Variants in PYGM observed in about 807,000 individuals in gnomAD.
The protein encoded by PYGM is glycogen phosphorylase, muscle associated, also known as glycogen phosphorylase, muscle form.
Under a neutral mutation model 99.3 loss-of-function variants are expected in PYGM, and 81 were observed. That is an observed-to-expected ratio of 0.82 (90% CI 0.68 to 0.98). PYGM has a LOEUF of 0.98. PYGM is among the 50% of genes least tolerant of loss of function. PYGM has a pLI of 0.00. For synonymous variants in PYGM, 436 were observed against 451.5 expected, an observed-to-expected ratio of 0.97 and a Z score of 0.44; for missense variants, 1,030 against 1,158.1, an observed-to-expected ratio of 0.89 and a Z score of 1.61.
intron 13 of PYGM, 138 bp downstream of exon 13, chr11:64,752,265 C>T: frequency 7.7e-7 from 1 of 1,306,256 alleles, no homozygotes; most frequent in Non-Finnish European, 1.1e-6. Context: ...GCCTTCCCAC[C>T]ACAGACTCCA....
chr11:64,753,218 C>G (rs776671009), intron 11 of PYGM, 31 bp from the exon 12 acceptor site: 1 of 1,558,002 alleles, frequency 6.4e-7, no homozygotes, highest in Non-Finnish European at 8.9e-7. Context: ...AGGGTCACCA[C>G]TCACCCCTGT....
In PYGM at chr11:64,750,278, G is replaced by T. The variant is rs958199070; in HGVS notation, c.2177+98C>A. The T allele has an allele frequency of 3.7e-6, 5 of 1,356,970 alleles. No individual in the cohort carries two copies. In the African/African-American group the frequency reaches 4.3e-5, roughly 12 times the overall value. 84.1% of individuals were successfully genotyped at this position (1,356,970 alleles called of 1,614,324 possible). A position where few individuals can be genotyped will look rare whatever the true frequency, so the allele number is the denominator to read the frequency against. ...CTGGCCATGACCAAGACCTTGCTGGGCCTGGACCAGTCTTTCCAGACGTGC... is the reference window on the plus strand; with the variant it reads ...CTGGCCATGACCAAGACCTTGCTGGTCCTGGACCAGTCTTTCCAGACGTGC... On this transcript the variant is annotated intron_variant, in intron 17 of 19. Coordinates refer to ENST00000164139, the MANE Select transcript of PYGM (RefSeq NM_005609.4).
chr11:64,758,855 G>A (rs1182620771), intron 1 of PYGM, 151 bp from the exon 2 acceptor site: 1 of 736,340 alleles, frequency 1.4e-6, no homozygotes, highest in Non-Finnish European at 2.4e-6. Flanking sequence ...TCAGGCTTTG[G>A]GGCCCAGCGG....
At position 64,752,355 on chromosome 11, in the gene PYGM, C is replaced by G. The variant is rs752968251; in HGVS notation, c.1620+48G>C. ...GCCTGACCCAGACATCTGGCCCCTC[C>G]AGCGCTCTCCACACAGCACAGCTGT... On this transcript the variant is annotated intron_variant, in intron 13 of 19. Transcript: ENST00000164139. The G allele has an allele frequency of 3.8e-6, 6 of 1,589,380 alleles. No homozygotes were observed. The East Asian group carries it at 1.3e-4, about 36-fold the overall frequency.
chr11:64,760,027 C>A, upstream of PYGM: 6 of 1,394,876 alleles, frequency 4.3e-6, no homozygotes, highest in Non-Finnish European at 5.8e-6. Context: ...CAGCACGCCC[C>A]GCCTCCCCTG....
In PYGM at chr11:64,759,797, CCGG is replaced by C; in HGVS notation, c.99_101del (p.Asn33_Arg34delinsLys). 6.2e-7 allele frequency: 1 copy of C among 1,614,182 alleles called. No homozygotes were observed. Among genetic ancestry groups the C allele is most frequent in the Non-Finnish European group, 8.5e-7 (1 of 1,180,040 alleles). On this transcript the variant is annotated inframe_deletion, in exon 1 of 20. Transcript: ENST00000164139. ...CCTTTACGAGTGTGAAATGCAGGTG[CCGG>C]TTGAAGTTCTTTTTCAGCTCAGTCA...
rs780246932 is a variant in PYGM at position 64,758,458 on chromosome 11, C to A, written c.403G>T (p.Gly135Trp). Reference protein sequence around the residue: ...EIEEDAGLGNGGLGRLAACFL... With the variant: ...EIEEDAGLGNWGLGRLAACFL... Reference sequence around the variant, plus strand: ...TTACCTGCCAGCCGGCCCAGGCCCCCGTTGCCCAGCCCCGCATCCTCCTCA... The same window carrying A: ...TTACCTGCCAGCCGGCCCAGGCCCCAGTTGCCCAGCCCCGCATCCTCCTCA... Residue 135 changes from glycine to tryptophan, a missense_variant, in exon 3 of 20, where the codon GGG (glycine) becomes TGG (tryptophan). Transcript: ENST00000164139. 1 of 1,613,994 alleles carries A rather than the reference C, an allele frequency of 6.2e-7. No homozygotes were observed.
intron 17 of PYGM, among the ~76,000 whole-genome samples, chr11:64,749,139 G>T (rs1425577899): frequency 2.0e-5 from 3 of 150,976 alleles, no homozygotes; most frequent in African/African-American, 7.3e-5. Context: ...CTGAGGTCAG[G>T]AGATAGAGAC....
Position 64,751,588 on chromosome 11 carries a change from G to T in PYGM, c.1827+9C>A. 6.2e-7 allele frequency: 1 copy of T among 1,614,014 alleles called. No individual in the cohort carries two copies. Among genetic ancestry groups the T allele is most frequent in the South Asian group, 1.1e-5 (1 of 91,082 alleles). On this transcript the variant is annotated intron_variant, in intron 15 of 19. Transcript: ENST00000164139. ...GACGGGAGCCCAGGGCTGGAGCCTG[G>T]CTTCTCACCTTCCCTCCAATCATCA...
Position 64,747,264 on chromosome 11 carries a change from G to T in PYGM, c.2272C>A (p.Leu758Met). ...AGCATATTGACAATGTCCTTGAACA[G>T]GTCGGGCTGTTTGGGGGAGAAGAAG... ...SGFFSPKQPD[L>M]FKDIVNMLMH... Residue 758 changes from leucine (L) to methionine (M), a missense_variant, in exon 18 of 20, where the codon CTG becomes ATG. Transcript: ENST00000164139. 1.2e-6 allele frequency: 2 copies of T among 1,614,174 alleles called. No homozygotes were observed. Among genetic ancestry groups the T allele is most frequent in the Non-Finnish European group, 1.7e-6 (2 of 1,179,980 alleles).
chr11:64,760,005 C>T (rs2058424347), upstream of PYGM: 2 of 1,525,706 alleles, frequency 1.3e-6, no homozygotes, highest in South Asian at 2.5e-5. Flanking sequence ...GGATTTAAAG[C>T]CTGGCTCTGG....
In PYGM at chr11:64,754,062, A is replaced by C. The variant is rs1222282695; in HGVS notation, c.1093-37T>G. 1 of 1,596,350 alleles carries C rather than the reference A, an allele frequency of 6.3e-7. No individual in the cohort carries two copies. The highest frequency in any genetic ancestry group is 1.1e-5 in the South Asian group (1 of 89,108). ...GGTGGGCAGTCAGGATGCTGACCTC[A>C]GCCCAGTGGGTCTCCTCACACACTA... On this transcript the variant is annotated intron_variant, in intron 9 of 19. Transcript: ENST00000164139. The surrounding 1 kb of genome is among the most constrained non-coding windows in gnomAD (Gnocchi z 5.5).
rs931593880 is a variant in PYGM, at chr11:64,755,869, T to A, written c.661-311A>T. 6.6e-6 allele frequency among the ~76,000 whole-genome samples: 1 copy of A among 151,986 alleles called. No homozygotes were observed. Among genetic ancestry groups the A allele is most frequent in the Non-Finnish European group, 1.5e-5 (1 of 67,966 alleles). On this transcript the variant is annotated intron_variant, in intron 5 of 19. Coordinates refer to ENST00000164139, the MANE Select transcript of PYGM (RefSeq NM_005609.4). This position sits in a 1 kb window ranked among gnomAD's most constrained non-coding sequence, Gnocchi z 4.1. ...TCTGTTGGCGACCACTCTGCAGCAATGGGGGCTGGGCTGGCCAGCCTGGCC... is the reference window on the plus strand; with the variant it reads ...TCTGTTGGCGACCACTCTGCAGCAAAGGGGGCTGGGCTGGCCAGCCTGGCC...
chr11:64,754,683 C>G lies in PYGM; in HGVS notation c.999+10G>C. 6.2e-7 allele frequency: 1 copy of G among 1,612,902 alleles called. No homozygotes were observed. Among genetic ancestry groups the G allele is most frequent in the Non-Finnish European group, 8.5e-7 (1 of 1,179,814 alleles). On this transcript the variant is annotated intron_variant, in intron 8 of 19. Transcript: ENST00000164139. This position sits in a 1 kb window ranked among gnomAD's most constrained non-coding sequence, Gnocchi z 5.5. ...TCCGGTCACAGAGTCGCCCTCCACA[C>G]GCATGGTACCTTATCTGGGAAGGCA...
In PYGM at chr11:64,752,444, C is replaced by A. The variant is rs1367308757; in HGVS notation, c.1579G>T (p.Asp527Tyr). 1 of 1,614,140 alleles carries A rather than the reference C, an allele frequency of 6.2e-7. No homozygotes were observed. The highest frequency in any genetic ancestry group is 1.7e-5 in the Admixed American group (1 of 60,006). Residue 527 changes from aspartate to tyrosine, a missense_variant, in exon 13 of 20, where the codon GAT becomes TAT. Coordinates refer to ENST00000164139, the MANE Select transcript of PYGM (RefSeq NM_005609.4). Reference protein sequence around the residue: ...DQLRKLLSFVDDEAFIRDVAK... With the variant: ...DQLRKLLSFVYDEAFIRDVAK... The stretch of plus-strand genomic sequence containing the variant: ...ACATCCCGAATGAAAGCTTCATCAT[C>A]CACAAAGGAGAGCAGTTTGCGCAGC...
intron 12 of PYGM, among the ~76,000 whole-genome samples, chr11:64,752,787 C>G (rs1412314256): frequency 6.6e-6 from 1 of 152,246 alleles, no homozygotes; most frequent in Non-Finnish European, 1.5e-5. Context: ...GCCTTCCCTA[C>G]CAGATATCTG....
In PYGM at chr11:64,750,500, T is replaced by C; in HGVS notation, c.2053A>G (p.Asn685Asp). ...SGTGNMKFML[N>D]GALTIGTMDG... ...ATGGTGCCAATGGTCAGAGCCCCGT[T>C]GAGCATGAACTTCATGTTGCCGGTG... The change falls in exon 17 of 20, where the codon AAC becomes GAC. Residue 685 changes from asparagine (N) to aspartate (D), a missense_variant. By Grantham distance (23) the Asn-to-Asp change is conservative. Coordinates refer to ENST00000164139, the MANE Select transcript of PYGM (RefSeq NM_005609.4). The C allele has an allele frequency of 1.2e-6, 2 of 1,614,226 alleles. No homozygotes were observed. The highest frequency in any genetic ancestry group is 1.7e-6 in the Non-Finnish European group (2 of 1,180,042).
Position 64,753,880 on chromosome 11 carries a change from T to C in PYGM, c.1238A>G (p.Asn413Ser), listed in dbSNP as rs752857036. ...CATCCCCCAAGCCTCCGGACTCACG[T>C]TGAGGAAGCGCTGGTTGATCTCGTA... Reference protein sequence around the residue: ...IIYEINQRFLNRVAAAFPGDV... With the variant: ...IIYEINQRFLSRVAAAFPGDV... The change falls in exon 10 of 20, where the codon AAC becomes AGC. Residue 413 changes from asparagine (N) to serine (S), a missense_variant and splice_region_variant. Asn to Ser is a conservative substitution (Grantham distance 46, BLOSUM62 1). Transcript: ENST00000164139. 8.4e-6 allele frequency: 13 copies of C among 1,556,424 alleles called. No homozygotes were observed. The highest frequency in any genetic ancestry group is 1.9e-5 in the Admixed American group (1 of 53,776).
rs1302268797 is a variant in PYGM at position 64,754,031 on chromosome 11, A to C, written c.1093-6T>G. ...CTCACTGTCACATCCCACGCCTGGC[A>C]CACGGGGTGGGCAGTCAGGATGCTG... On this transcript the variant is annotated splice_polypyrimidine_tract_variant and splice_region_variant and intron_variant, in intron 9 of 19. Transcript: ENST00000164139. This position sits in a 1 kb window ranked among gnomAD's most constrained non-coding sequence, Gnocchi z 5.5. 6.3e-7 allele frequency: 1 copy of C among 1,598,672 alleles called. No homozygotes were observed.
Sources: allele counts gnomAD v4.1 joint callset (sites outside exome capture counted in the v4.1 genomes callset), GRCh38; gene constraint gnomAD v4.1.1; non-coding constraint Gnocchi (gnomAD v3.1); transcripts MANE v1.5; gene names NCBI Gene and HGNC (gene_info 2026-07-23, HGNC 2026-07-21).